The following AKR1B15 variants were observed in gnomAD, a reference collection of about 807,000 sequenced individuals.
AKR1B15 encodes aldo-keto reductase family 1 member B15.
Under a neutral mutation model 38.5 loss-of-function variants are expected in AKR1B15, and 49 were observed. The observed-to-expected ratio is 1.27, with a 90% CI of 1.01 to 1.62. AKR1B15 has a LOEUF of 1.62. Among genes scored for constraint, AKR1B15 ranks in the 40% most tolerant of loss-of-function variants. The pLI, the probability that AKR1B15 is intolerant of heterozygous loss-of-function variation, is 0.00. For synonymous variants in AKR1B15, 137 were observed against 135.5 expected (o/e 1.01, Z -0.08); for missense variants, 411 against 381.6 (o/e 1.08, Z -0.64).
rs766363195 is a variant in AKR1B15, at chr7:134,568,213, G to A, written c.206G>A (p.Arg69His). Residue 69 changes from arginine (R) to histidine (H), a missense_variant, in exon 4 of 12, where the codon CGC becomes CAC. Coordinates refer to ENST00000457545, the MANE Select transcript of AKR1B15 (RefSeq NM_001080538.3). Reference protein sequence around the residue: ...AVKVAIDAEYRHIDCAYFYEN... With the variant: ...AVKVAIDAEYHHIDCAYFYEN... ...AAGGTGGCCATTGATGCAGAATATC[G>A]CCACATTGACTGTGCCTATTTCTAT... The A allele has an allele frequency of 8.1e-6, 13 of 1,614,036 alleles. No individual in the cohort carries two copies. Among genetic ancestry groups the A allele is most frequent in the Admixed American group, 3.3e-5 (2 of 60,010 alleles).
chr7:134,562,335 C>A (rs1470235118), intron 2 of AKR1B15, among the ~76,000 whole-genome samples: 1 of 152,134 alleles, frequency 6.6e-6, no homozygotes, highest in Non-Finnish European at 1.5e-5. Flanking sequence ...GTTGCCTAAG[C>A]GTTGCTGCTG....
At chr7:134,576,584 A>G (rs1794772810) in intron 9 of AKR1B15, among the ~76,000 whole-genome samples, 154 bp downstream of exon 9, 1 of 152,162 alleles carries the variant, frequency 6.6e-6, no homozygotes, top group South Asian at 2.1e-4. Flanking sequence ...TGGAACCTCT[A>G]GGAAACACAA....
intron 1 of AKR1B15, among the ~76,000 whole-genome samples, chr7:134,550,959 C>T (rs941689855): frequency 1.1e-4 from 16 of 152,196 alleles, no homozygotes; most frequent in African/African-American, 3.6e-4. Flanking sequence ...AGTTTCCCTA[C>T]ATTGATCAAT....
intron 9 of AKR1B15, 28 bp from the exon 10 acceptor site, chr7:134,576,935 G>A (rs1163133487): frequency 6.3e-7 from 1 of 1,594,368 alleles, no homozygotes; most frequent in African/African-American, 1.3e-5. Context: ...GTAGCTGAGT[G>A]GAAACATGAT....
intron 3 of AKR1B15, among the ~76,000 whole-genome samples, chr7:134,566,336 C>CA (rs1794533943): frequency 6.6e-6 from 1 of 152,194 alleles, no homozygotes; most frequent in African/African-American, 2.4e-5. Context: ...TCTCAGGCTT[C>CA]ACCCAGGCTA....
rs373917866 is a variant in AKR1B15, at chr7:134,573,082, G to T, written c.513+1401G>T. Among the ~76,000 whole-genome samples, 4 of 152,116 alleles carry T rather than the reference G, an allele frequency of 2.6e-5. No homozygotes were observed. In the South Asian group the frequency reaches 8.3e-4, roughly 32 times the overall value. On this transcript the variant is annotated intron_variant, in intron 6 of 11. Coordinates refer to ENST00000457545, the MANE Select transcript of AKR1B15 (RefSeq NM_001080538.3). Reference sequence around the variant, plus strand: ...TTCTCACTCTGTCACACAAGCTAGGGTGCAGTGACACCATCTTGGCTCACT... The same window carrying T: ...TTCTCACTCTGTCACACAAGCTAGGTTGCAGTGACACCATCTTGGCTCACT...
At chr7:134,574,246 G>T (rs1255412826) in intron 6 of AKR1B15, among the ~76,000 whole-genome samples, 9 of 152,116 alleles carry the variant, frequency 5.9e-5, no homozygotes. Flanking sequence ...ATTGAGAAGG[G>T]CTGCATAAAG....
At chr7:134,571,723 T>C in intron 6 of AKR1B15, 42 bp downstream of exon 6, 1 of 1,494,852 alleles carries the variant, frequency 6.7e-7, no homozygotes, top group Non-Finnish European at 9.3e-7. Flanking sequence ...AGAGAAATCC[T>C]CAGTTATCCA....
chr7:134,575,678 G>T lies in AKR1B15; in HGVS notation c.636+136G>T, dbSNP rs1328095104. On this transcript the variant is annotated intron_variant, in intron 7 of 11. Transcript: ENST00000457545. Reference sequence around the variant, plus strand: ...GGACACTTTGGGGAGGTGTGAGGCTGATCTCATGGGTGATTTAGCAAGAAT... The same window carrying T: ...GGACACTTTGGGGAGGTGTGAGGCTTATCTCATGGGTGATTTAGCAAGAAT... 4.4e-6 allele frequency: 7 copies of T among 1,576,902 alleles called. No homozygotes were observed. In the Admixed American group the frequency reaches 1.0e-4, roughly 23 times the overall value.
intron 6 of AKR1B15, among the ~76,000 whole-genome samples, chr7:134,574,263 C>T (rs1282848394): frequency 6.6e-6 from 1 of 152,184 alleles, no homozygotes; most frequent in South Asian, 2.1e-4. Context: ...AAAGTGTTCC[C>T]TGAACATGTC....
Position 134,569,417 on chromosome 7 carries a change from G to A in AKR1B15, c.323G>A (p.Trp108Ter), listed in dbSNP as rs911599502. Reference sequence around the variant, plus strand: ...TCATTGCTACACTCTTTGCAGGTGTGGCCCACTTTCTTTGAGAGACCCCTT... The same window carrying A: ...TCATTGCTACACTCTTTGCAGGTGTAGCCCACTTTCTTTGAGAGACCCCTT... ...REDLFIVSKV[W>*]PTFFERPLVR... Residue 108 changes from tryptophan to a stop codon, truncating the protein, a stop_gained, in exon 5 of 12, where the codon TGG becomes TAG. Transcript: ENST00000457545. LOFTEE classifies it high-confidence loss of function. 1.2e-5 allele frequency: 20 copies of A among 1,613,876 alleles called. 1 individual carries two copies. Among genetic ancestry groups the A allele is most frequent in the African/African-American group, 6.7e-5 (5 of 74,906 alleles).
intron 10 of AKR1B15, among the ~76,000 whole-genome samples, 159 bp downstream of exon 10, chr7:134,577,205 T>C (rs1439248578): frequency 6.6e-6 from 1 of 152,152 alleles, no homozygotes; most frequent in East Asian, 1.9e-4. Context: ...TCGGTAGAGC[T>C]GAGATGAATG....
chr7:134,550,282 C>G (rs1693910727), intron 1 of AKR1B15, among the ~76,000 whole-genome samples: 1 of 152,132 alleles, frequency 6.6e-6, no homozygotes, highest in Non-Finnish European at 1.5e-5. Context: ...TCCAAGTGGC[C>G]CCTTTCCTCC....
chr7:134,553,626 T>C (rs958145061), intron 1 of AKR1B15, among the ~76,000 whole-genome samples: 2 of 152,214 alleles, frequency 1.3e-5, no homozygotes, highest in Non-Finnish European at 2.9e-5. Context: ...TTCTGGCAAA[T>C]GGATGTCGAA....
At chr7:134,577,540 C>T (rs569983248) in intron 10 of AKR1B15, among the ~76,000 whole-genome samples, 164 bp from the exon 11 acceptor site, 135 of 152,284 alleles carry the variant, frequency 8.9e-4, no homozygotes, top group Non-Finnish European at 1.6e-3. Flanking sequence ...TTGTGTAGGA[C>T]CTAATTTAGA....
chr7:134,557,734 C>T (rs1794250094), intron 2 of AKR1B15, among the ~76,000 whole-genome samples: 1 of 152,108 alleles, frequency 6.6e-6, no homozygotes, highest in Admixed American at 6.5e-5. Flanking sequence ...TTCAGCTACA[C>T]TCCTCCTCCC....
intron 4 of AKR1B15, 21 bp downstream of exon 4, chr7:134,568,346 G>T (rs751206562): frequency 1.2e-6 from 2 of 1,612,512 alleles, no homozygotes; most frequent in South Asian, 2.2e-5. Context: ...CGCATTTGGT[G>T]GGAGGCCTTC....
At chr7:134,574,022 G>C (rs577470339) in intron 6 of AKR1B15, among the ~76,000 whole-genome samples, 2 of 152,002 alleles carry the variant, frequency 1.3e-5, no homozygotes, top group Non-Finnish European at 2.9e-5. Context: ...AAGTAGCTGG[G>C]ATCAGAGGCA....
At chr7:134,551,818 G>A (rs935845361) in intron 1 of AKR1B15, among the ~76,000 whole-genome samples, 5 of 152,160 alleles carry the variant, frequency 3.3e-5, no homozygotes, top group South Asian at 2.1e-4. Context: ...ATTGGACACT[G>A]GAGAAAGGAA....
Sources: gnomAD v4.1 joint callset for allele counts (sites outside exome capture counted in the v4.1 genomes callset) on GRCh38, gnomAD v4.1.1 for gene constraint, MANE v1.5 for transcripts, NCBI Gene and HGNC (gene_info 2026-07-23, HGNC 2026-07-21) for gene names.